Variants in PTPRN2 observed in about 807,000 individuals in gnomAD.
PTPRN2 encodes receptor-type tyrosine-protein phosphatase N2.
Under a neutral mutation model 118.8 loss-of-function variants are expected in PTPRN2, and 74 were observed. That is an observed-to-expected ratio of 0.62 (90% confidence interval 0.52 to 0.76). The LOEUF (loss-of-function observed/expected upper bound fraction) is 0.76. Ranked by LOEUF, PTPRN2 falls within the 30% of genes least tolerant of loss-of-function variation. The pLI, the probability that PTPRN2 is intolerant of heterozygous loss-of-function variation, is 0.00. For synonymous variants in PTPRN2, 641 were observed against 608.0 expected, an observed-to-expected ratio of 1.05 and a Z score of -0.80; for missense variants, 1,481 against 1,394.4, an observed-to-expected ratio of 1.06 and a Z score of -0.99.
At chr7:158,071,570 GGTGGAGGTGCTCCTGGTGGAGGTGCTCC>G (rs1563392024) in intron 11 of PTPRN2, among the ~76,000 whole-genome samples, 20 of 30,690 alleles carry the variant, frequency 6.5e-4, no homozygotes, top group East Asian at 2.6e-3. Context: ...AGGTGCTCCT[GGTGGAGGTGCTCCTGGTGGAGGTGCTCC>G]TGGTGGAGGT....
At chr7:157,655,604 G>GT (rs1186014716) in intron 14 of PTPRN2, among the ~76,000 whole-genome samples, 11 of 152,326 alleles carry the variant, frequency 7.2e-5, no homozygotes, top group African/African-American at 4.8e-5. Flanking sequence ...GCCAAGCAGC[G>GT]TAACAGGCTC....
At chr7:158,071,017 T>TCGTAGTATGGAGGTGCC (rs1811378224) in intron 11 of PTPRN2, among the ~76,000 whole-genome samples, 1 of 72,142 alleles carries the variant, frequency 1.4e-5, no homozygotes, top group Non-Finnish European at 2.6e-5. Flanking sequence ...GTGGAGGTGC[T>TCGTAGTATGGAGGTGCC]CGTGGTGGAG....
In PTPRN2 at chr7:157,729,681, C is replaced by T. The variant is rs888009028; in HGVS notation, c.1789-46744G>A. On this transcript the variant is annotated intron_variant, in intron 12 of 22. Transcript: ENST00000389418. The surrounding 1 kb of genome is among the most constrained non-coding windows in gnomAD (Gnocchi z 4.3). ...TCCTGCAGGGAGGTCCTGGGAGGGT[C>T]GCTAGGGTGAGGACGCTGAGAGCCC... 3.2e-4 allele frequency among the ~76,000 whole-genome samples: 49 copies of T among 152,108 alleles called. No individual in the cohort carries two copies. The highest frequency in any genetic ancestry group is 1.1e-3 in the African/African-American group (46 of 41,410).
At chr7:158,558,945 C>T (rs1325941690) in intron 1 of PTPRN2, among the ~76,000 whole-genome samples, 1 of 151,942 alleles carries the variant, frequency 6.6e-6, no homozygotes, top group African/African-American at 2.4e-5. Flanking sequence ...GTCATGTTTC[C>T]AATGAGGAGG....
chr7:158,108,639 A>G (rs935709975), intron 10 of PTPRN2, among the ~76,000 whole-genome samples: 3 of 152,146 alleles, frequency 2.0e-5, no homozygotes, highest in Non-Finnish European at 2.9e-5. Flanking sequence ...TGCATGTCAC[A>G]TCTCTCTCTG....
intron 12 of PTPRN2, among the ~76,000 whole-genome samples, chr7:157,748,867 TCCGGGTGATTC>T: frequency 3.2e-5 from 2 of 62,842 alleles, no homozygotes; most frequent in Non-Finnish European, 5.5e-5. Flanking sequence ...CTGTGGGCTG[TCCGGGTGATTC>T]TGAGGCCTGC....
intron 1 of PTPRN2, among the ~76,000 whole-genome samples, chr7:158,515,998 T>C (rs1256543095): frequency 6.6e-6 from 1 of 152,314 alleles, no homozygotes; most frequent in East Asian, 1.9e-4. Flanking sequence ...CCCTTTTCAC[T>C]GTCCCCCTCC....
intron 12 of PTPRN2, among the ~76,000 whole-genome samples, chr7:157,889,910 T>C (rs1796699809): frequency 6.6e-6 from 1 of 152,262 alleles, no homozygotes; most frequent in Non-Finnish European, 1.5e-5. Flanking sequence ...TGCTCTCTTA[T>C]TCACCTGTTA....
Position 157,653,873 on chromosome 7 carries a change from C to T in PTPRN2, c.2196+2484G>A, listed in dbSNP as rs373445515. ...ACCCACCCCGACTCCACACGATGCC[C>T]GCTGATCCCCACACCCACCCCAACT... On this transcript the variant is annotated intron_variant, in intron 14 of 22. Transcript: ENST00000389418. Among the ~76,000 whole-genome samples the T allele has an allele frequency of 4.8e-4, 68 of 142,630 alleles. No homozygotes were observed. In the East Asian group the frequency reaches 0.013, roughly 28 times the overall value. 93.6% of individuals were successfully genotyped at this position (142,630 alleles called of 152,430 possible). A position where few individuals can be genotyped will look rare whatever the true frequency, so the allele number is the denominator to read the frequency against.
In PTPRN2 at chr7:157,609,162, C is replaced by T. The variant is rs1291441117; in HGVS notation, c.2345-5087G>A. On this transcript the variant is annotated intron_variant, in intron 15 of 22. Transcript: ENST00000389418. The surrounding 1 kb of genome is among the most constrained non-coding windows in gnomAD (Gnocchi z 4.9). ...CTTTGGGAGGCTGAGGTGGGTGGAT[C>T]ACCTGAGGTCAGGAGTTCGAGACCA... Among the ~76,000 whole-genome samples, 1 of 152,164 alleles carries T rather than the reference C, an allele frequency of 6.6e-6. No individual in the cohort carries two copies. Among genetic ancestry groups the T allele is most frequent in the Non-Finnish European group, 1.5e-5 (1 of 68,034 alleles).
intron 22 of PTPRN2, among the ~76,000 whole-genome samples, chr7:157,543,438 G>A (rs1196158137): frequency 4.6e-5 from 7 of 152,230 alleles, no homozygotes. Flanking sequence ...GGTCCACGCT[G>A]GACAGCGAGT....
intron 3 of PTPRN2, among the ~76,000 whole-genome samples, chr7:158,230,603 CT>C (rs1391790462): frequency 6.6e-6 from 1 of 151,316 alleles, no homozygotes; most frequent in African/African-American, 2.4e-5. Context: ...TTTAAGATAA[CT>C]TGTTATATGT....
chr7:157,796,331 A>C (rs1290340821), intron 12 of PTPRN2, among the ~76,000 whole-genome samples: 1 of 152,078 alleles, frequency 6.6e-6, no homozygotes, highest in Non-Finnish European at 1.5e-5. Context: ...CGAATCTCAC[A>C]TTTTACCGGG....
intron 12 of PTPRN2, among the ~76,000 whole-genome samples, chr7:157,815,174 C>T (rs1309585802): frequency 6.6e-6 from 1 of 152,246 alleles, no homozygotes; most frequent in Non-Finnish European, 1.5e-5. Context: ...CCTCACCGTC[C>T]TCACCTGGCC....
Position 158,587,621 on chromosome 7 carries a change from G to T in PTPRN2, c.49C>A (p.Pro17Thr). 7.3e-7 allele frequency: 1 copy of T among 1,361,614 alleles called. No individual in the cohort carries two copies. Among genetic ancestry groups the T allele is most frequent in the Admixed American group, 3.6e-5 (1 of 27,870 alleles). 84.3% of individuals were successfully genotyped at this position (1,361,614 alleles called of 1,614,324 possible). A position where few individuals can be genotyped will look rare whatever the true frequency, so the allele number is the denominator to read the frequency against. Residue 17 changes from proline (P) to threonine (T), a missense_variant, in exon 1 of 23, where the codon CCA becomes ACA. Physicochemically the swap from Pro to Thr is conservative, Grantham distance 38 (BLOSUM62 -1). Around this residue, in one of 3 missense-constraint regions of PTPRN2, gnomAD observed 1,115 missense variants for 994.2 expected, o/e 1.12. Transcript: ENST00000389418. Reference protein sequence around the residue: ...LLLLLLLLLPPRVLPAAPSSV... With the variant: ...LLLLLLLLLPTRVLPAAPSSV... ...GAAGGGGCGGCAGGCAGGACGCGTG[G>T]CGGCAGCAGCAGCAGTAGCAGCAGC...
Position 157,542,933 on chromosome 7 carries a change from C to T in PTPRN2, c.2977-2148G>A, listed in dbSNP as rs537912978. On this transcript the variant is annotated intron_variant, in intron 22 of 22. Transcript: ENST00000389418. ...GCTTGTGGATCATCTTGTCCTTTAT[C>T]GTGAAGTGTCAGCTGCATGCGGCGC... Among the ~76,000 whole-genome samples, 195 of 152,212 alleles carry T rather than the reference C, an allele frequency of 1.3e-3. 1 individual carries two copies. Among genetic ancestry groups the T allele is most frequent in the Middle Eastern group, 6.8e-3 (2 of 294 alleles).
chr7:158,141,523 G>A (rs1014725516), intron 6 of PTPRN2, among the ~76,000 whole-genome samples: 2 of 152,216 alleles, frequency 1.3e-5, no homozygotes, highest in African/African-American at 4.8e-5. Context: ...GATGGCCTGT[G>A]GTGGGTTCTT....
At chr7:158,185,122 T>C (rs1240277442) in intron 5 of PTPRN2, among the ~76,000 whole-genome samples, 1 of 152,252 alleles carries the variant, frequency 6.6e-6, no homozygotes, top group East Asian at 1.9e-4. Context: ...CTTTTTTATA[T>C]ATTGTTGAAT....
chr7:157,924,460 C>G (rs1365115088), intron 11 of PTPRN2, among the ~76,000 whole-genome samples: 1 of 152,230 alleles, frequency 6.6e-6, no homozygotes, highest in East Asian at 1.9e-4. Context: ...TGGAATCTCC[C>G]TACCCTGGAC....
Sources: gnomAD v4.1 joint callset for allele counts (sites outside exome capture counted in the v4.1 genomes callset) on GRCh38, gnomAD v4.1.1 for gene constraint, gnomAD v4.1.1 regional missense constraint, Gnocchi (gnomAD v3.1) non-coding constraint, MANE v1.5 for transcripts, NCBI Gene and HGNC (gene_info 2026-07-23, HGNC 2026-07-21) for gene names.